The following RPL23A variants were observed in gnomAD, a reference collection of about 807,000 sequenced individuals.
RPL23A encodes the protein large ribosomal subunit protein uL23.
A neutral mutation model predicts 17.6 loss-of-function variants in RPL23A; 2 were observed. That is an observed-to-expected ratio of 0.11 (90% confidence interval 0.05 to 0.36). The LOEUF (loss-of-function observed/expected upper bound fraction) is 0.36. RPL23A is among the 10% of genes least tolerant of loss of function. The probability of loss-of-function intolerance (pLI) is 1.00; values close to 1 mark genes in which losing one functional copy is unlikely to be tolerated. For synonymous variants in RPL23A, 65 were observed against 74.3 expected, an observed-to-expected ratio of 0.87 and a Z score of 0.65; for missense variants, 132 against 194.4, an observed-to-expected ratio of 0.68 and a Z score of 1.91.
chr17:28,723,113 T>TAA lies in RPL23A; in HGVS notation c.386+233_386+234dup, dbSNP rs774938617. Among the ~76,000 whole-genome samples, 638 of 131,516 alleles carry TAA rather than the reference T, an allele frequency of 4.9e-3. 6 individuals are homozygous for TAA. The highest frequency in any genetic ancestry group is 0.016 in the African/African-American group (558 of 35,862). 86.3% of individuals were successfully genotyped at this position (131,516 alleles called of 152,430 possible). ...CTGAGCAACCAAGCAAGGCCCTTTTTAAAAAAAAAAAAAAAAAAAATCCCC... is the reference window on the plus strand; with the variant it reads ...CTGAGCAACCAAGCAAGGCCCTTTTTAAAAAAAAAAAAAAAAAAAAAATCCCC... On this transcript the variant is annotated intron_variant, in intron 3 of 4. Transcript: ENST00000422514.
intron 3 of RPL23A, 140 bp from the exon 4 acceptor site, chr17:28,723,431 G>C: frequency 3.8e-6 from 3 of 789,600 alleles, no homozygotes; most frequent in Non-Finnish European, 7.0e-6. Flanking sequence ...TGTCCTCTGG[G>C]CTAATGATGG....
Position 28,720,343 on chromosome 17 carries a change from C to T in RPL23A, c.25+313C>T, listed in dbSNP as rs767896889. ...TCCCCGGGCCTGTAAGGAATTAGTG[C>T]CCTCAGCTTTAACCATTTTCCTTCT... On this transcript the variant is annotated intron_variant, in intron 1 of 4. Transcript: ENST00000422514. The T allele has an allele frequency of 5.3e-5, 83 of 1,551,670 alleles. No homozygotes were observed. The Middle Eastern group carries it at 1.0e-3, about 19-fold the overall frequency.
rs1451210084 is a variant in RPL23A, at chr17:28,724,199, A to G, written c.*318A>G. 8 of 504,968 alleles carry G rather than the reference A, an allele frequency of 1.6e-5. No homozygotes were observed. The highest frequency in any genetic ancestry group is 6.0e-5 in the South Asian group (2 of 33,136). 31.3% of individuals were successfully genotyped at this position (504,968 alleles called of 1,614,324 possible). On this transcript the variant is annotated 3_prime_UTR_variant, in exon 5 of 5. Coordinates refer to ENST00000422514, the MANE Select transcript of RPL23A (RefSeq NM_000984.6). ...CTGGAAGAGGCTGTGTATGAAACCA[A>G]TGCCCAGGGTTTGAAGGGTGTTAGC...
At chr17:28,721,122 G>T (rs894356833) in intron 2 of RPL23A, 9 of 418,130 alleles carry the variant, frequency 2.2e-5, no homozygotes, top group Admixed American at 1.1e-4. Flanking sequence ...GAGGCCGAGG[G>T]GGGGCGGATC....
chr17:28,721,624 C>T (rs1292685620), intron 2 of RPL23A: 1 of 152,154 alleles, frequency 6.6e-6, no homozygotes, highest in African/African-American at 2.4e-5. Context: ...CCCGAATTTT[C>T]ATACTGCTCA....
chr17:28,723,287 G>T, intron 3 of RPL23A: 1 of 591,828 alleles, frequency 1.7e-6, no homozygotes. Flanking sequence ...ATTGGGGGTT[G>T]GTCCTCATTT....
At position 28,720,783 on chromosome 17, in the gene RPL23A, C is replaced by G. The variant is rs2034100637; in HGVS notation, c.102C>G (p.Ser34Arg). 6.2e-7 allele frequency: 1 copy of G among 1,612,294 alleles called. No individual in the cohort carries two copies. The highest frequency in any genetic ancestry group is 1.7e-5 in the Admixed American group (1 of 59,992). ...AKKAVLKGVH[S>R]HKKKKIRTSP... ...AGGCAGTGTTGAAAGGTGTCCACAG[C>G]CACAAAAAGAAGAAGATCCGCACGT... Residue 34 changes from serine (S) to arginine (R), a missense_variant, in exon 2 of 5, where the codon AGC becomes AGG. Coordinates refer to ENST00000422514, the MANE Select transcript of RPL23A (RefSeq NM_000984.6).
At chr17:28,722,000 C>G (rs944561725) in intron 2 of RPL23A, 2 of 152,126 alleles carry the variant, frequency 1.3e-5, no homozygotes, top group African/African-American at 4.8e-5. Context: ...AATCCCAGCA[C>G]TTTGGGAGGC....
intron 3 of RPL23A, chr17:28,723,151 CA>C: frequency 1.9e-6 from 1 of 534,012 alleles, no homozygotes; most frequent in Non-Finnish European, 3.3e-6. Context: ...GACCTTTCAG[CA>C]GGGGAAAAAG....
Position 28,724,336 on chromosome 17 carries a change from A to C in RPL23A, c.*455A>C. ...TGCTTCCCTCACCCCTTGCCCAATA[A>C]AGGACAAGGACTTCAGAGGAGTACT... is the stretch of plus-strand genomic sequence containing the variant. On this transcript the variant is annotated 3_prime_UTR_variant, in exon 5 of 5. Coordinates refer to ENST00000422514, the MANE Select transcript of RPL23A (RefSeq NM_000984.6). 2 of 864,430 alleles carry C rather than the reference A, an allele frequency of 2.3e-6. No individual in the cohort carries two copies. Among genetic ancestry groups the C allele is most frequent in the Non-Finnish European group, 3.6e-6 (2 of 555,710 alleles). 53.5% of individuals were successfully genotyped at this position (864,430 alleles called of 1,614,324 possible).
chr17:28,723,191 T>C (rs2034147221), intron 3 of RPL23A: 1 of 535,344 alleles, frequency 1.9e-6, no homozygotes, highest in Non-Finnish European at 3.3e-6. Flanking sequence ...GGTGTAGGTT[T>C]AGCAGTGTGT....
In RPL23A at chr17:28,719,992, A is replaced by C. The variant is rs1045346045; in HGVS notation, c.-14A>C. On this transcript the variant is annotated 5_prime_UTR_variant, in exon 1 of 5. Coordinates refer to ENST00000422514, the MANE Select transcript of RPL23A (RefSeq NM_000984.6). Reference sequence around the variant, plus strand: ...AAGCCCGTGGGAACGAGCATTGGAGACCCTTTTCACAAGATGGCGCCGAAA... The same window carrying C: ...AAGCCCGTGGGAACGAGCATTGGAGCCCCTTTTCACAAGATGGCGCCGAAA... 5 of 1,551,786 alleles carry C rather than the reference A, an allele frequency of 3.2e-6. No individual in the cohort carries two copies. The highest frequency in any genetic ancestry group is 2.4e-5 in the East Asian group (1 of 40,926).
chr17:28,722,818 T>G lies in RPL23A; in HGVS notation c.305T>G (p.Val102Gly). 1 of 1,613,768 alleles carries G rather than the reference T, an allele frequency of 6.2e-7. No homozygotes were observed. ...DNNTLVFIVD[V>G]KANKHQIKQA... The stretch of plus-strand genomic sequence containing the variant: ...AACACACTTGTGTTCATTGTGGATG[T>G]TAAAGCCAACAAGCACCAGATTAAA... Residue 102 changes from valine to glycine, a missense_variant, in exon 3 of 5, where the codon GTT becomes GGT. Val to Gly is a moderately radical substitution (Grantham distance 109). Around this residue, in one of 2 missense-constraint regions of RPL23A, gnomAD observed 69 missense variants for 145.5 expected, o/e 0.47. Transcript: ENST00000422514.
rs542177061 is a variant in RPL23A, at chr17:28,721,143, A to T, written c.209+253A>T. 2.9e-5 allele frequency: 11 copies of T among 380,934 alleles called. No homozygotes were observed. The Admixed American group carries it at 4.2e-4, about 15-fold the overall frequency. 23.6% of individuals were successfully genotyped at this position (380,934 alleles called of 1,614,324 possible). A position where few individuals can be genotyped will look rare whatever the true frequency, so the allele number is the denominator to read the frequency against. On this transcript the variant is annotated intron_variant, in intron 2 of 4. Coordinates refer to ENST00000422514, the MANE Select transcript of RPL23A (RefSeq NM_000984.6). ...GAGGGGGGGCGGATCACTTGAGGTC[A>T]GGGGTTCGAGACCAGCCTGAGTGAC...
intron 3 of RPL23A, chr17:28,723,244 C>T: frequency 1.8e-6 from 1 of 543,762 alleles, no homozygotes; most frequent in Non-Finnish European, 3.3e-6. Context: ...TAGTTACAGA[C>T]CTTTGTGTGG....
chr17:28,723,715 C>G, intron 4 of RPL23A, 75 bp downstream of exon 4: 1 of 1,419,320 alleles, frequency 7.0e-7, no homozygotes, highest in Non-Finnish European at 1.0e-6. Context: ...CGACCAAAGC[C>G]TGATCTTTGC....
chr17:28,720,069 G>C lies in RPL23A; in HGVS notation c.25+39G>C, dbSNP rs1226155401. The C allele has an allele frequency of 1.4e-5, 22 of 1,550,618 alleles. No individual in the cohort carries two copies. The East Asian group carries it at 4.4e-4, about 31-fold the overall frequency. ...ATGGGGCCGCAGCTGGTTTACCGGG[G>C]ATTGCCGCGCCGCAGAGCGAACGAA... On this transcript the variant is annotated intron_variant, in intron 1 of 4. Transcript: ENST00000422514.
rs1597794730 is a variant in RPL23A, at chr17:28,720,179, G to A, written c.25+149G>A. 19 of 1,529,350 alleles carry A rather than the reference G, an allele frequency of 1.2e-5. No individual in the cohort carries two copies. The East Asian group carries it at 4.7e-4, about 38-fold the overall frequency. 94.7% of individuals were successfully genotyped at this position (1,529,350 alleles called of 1,614,324 possible). A position where few individuals can be genotyped will look rare whatever the true frequency, so the allele number is the denominator to read the frequency against. ...TTTCGGACACGCTGCAGTATACGTG[G>A]GCCGCGTGGGCCCAGCCTCGTGGGC... is the stretch of plus-strand genomic sequence containing the variant. On this transcript the variant is annotated intron_variant, in intron 1 of 4. Coordinates refer to ENST00000422514, the MANE Select transcript of RPL23A (RefSeq NM_000984.6).
At chr17:28,720,948 G>A (rs971741341) in intron 2 of RPL23A, 58 bp downstream of exon 2, 3 of 1,450,752 alleles carry the variant, frequency 2.1e-6, no homozygotes, top group African/African-American at 2.8e-5. Context: ...TGGTAATTTG[G>A]AAATTCACTC....
Sources: allele counts gnomAD v4.1 joint callset (sites outside exome capture counted in the v4.1 genomes callset), GRCh38; gene constraint gnomAD v4.1.1; regional missense constraint gnomAD v4.1.1; transcripts MANE v1.5; gene names NCBI Gene and HGNC (gene_info 2026-07-23, HGNC 2026-07-21).